The following TENM3 variants were observed in gnomAD, a reference collection of about 807,000 sequenced individuals.
The protein encoded by TENM3 is teneurin transmembrane protein 3, also known as teneurin-3.
Under a neutral mutation model 255.1 loss-of-function variants are expected in TENM3, and 63 were observed. The observed-to-expected ratio is 0.25, with a 90% CI of 0.20 to 0.30. TENM3 has a LOEUF of 0.30. TENM3 is among the 10% of genes least tolerant of loss of function. The pLI is 1.00. For missense variants in TENM3, 2,929 were observed against 3,461.1 expected, an observed-to-expected ratio of 0.85 and a Z score of 3.86; for synonymous variants, 1,306 against 1,322.3, an observed-to-expected ratio of 0.99 and a Z score of 0.27.
chr4:181,702,191 G>T, the TENM3 span, among the ~76,000 whole-genome samples: 1 of 152,204 alleles, frequency 6.6e-6, no homozygotes, highest in African/African-American at 2.4e-5. Flanking sequence ...CTGAGGCTAT[G>T]GACAACGTTC....
At chr4:181,617,927 A>C in the TENM3 span, among the ~76,000 whole-genome samples, 2 of 152,326 alleles carry the variant, frequency 1.3e-5, no homozygotes, top group African/African-American at 4.8e-5. Flanking sequence ...ATGTTTCTGC[A>C]AATAATGCCA....
chr4:181,706,142 C>A, the TENM3 span, among the ~76,000 whole-genome samples: 8 of 152,152 alleles, frequency 5.3e-5, no homozygotes, highest in African/African-American at 1.7e-4. Context: ...CTCCCCTTGG[C>A]TTAGAGATGC....
the TENM3 span, among the ~76,000 whole-genome samples, chr4:181,488,706 T>A: frequency 8.9e-3 from 1,361 of 152,286 alleles, 17 homozygotes; most frequent in South Asian, 0.033. Context: ...GACCATCAGT[T>A]TGGTTTTTTA....
At chr4:182,051,375 TC>T in the TENM3 span, among the ~76,000 whole-genome samples, 5 of 58,714 alleles carry the variant, frequency 8.5e-5, no homozygotes, top group Admixed American at 2.3e-4. Context: ...TTATTTTTCC[TC>T]TCTTTTTTTT....
chr4:182,220,506 A>G (rs921998835), intron 1 of TENM3, among the ~76,000 whole-genome samples: 4 of 151,708 alleles, frequency 2.6e-5, no homozygotes, highest in East Asian at 1.9e-4. Context: ...TTCGTCCTAC[A>G]GTCTCTTCTG....
the TENM3 span, among the ~76,000 whole-genome samples, chr4:181,517,979 G>A: frequency 5.1e-3 from 771 of 152,266 alleles, 5 homozygotes; most frequent in African/African-American, 0.018. Context: ...ATCAGACGGA[G>A]GGATTAACAC....
chr4:181,963,258 A>G, the TENM3 span, among the ~76,000 whole-genome samples: 1 of 152,234 alleles, frequency 6.6e-6, no homozygotes, highest in Non-Finnish European at 1.5e-5. Context: ...TGTCAGTAAG[A>G]CAAGTAATTT....
chr4:182,748,641 T>C (rs1031652806), intron 19 of TENM3, among the ~76,000 whole-genome samples: 1 of 152,208 alleles, frequency 6.6e-6, no homozygotes, highest in Admixed American at 6.5e-5. Flanking sequence ...TTCCTTTTAG[T>C]ACTTCCATGC....
the TENM3 span, among the ~76,000 whole-genome samples, chr4:181,661,499 A>C: frequency 2.0e-5 from 3 of 152,184 alleles, no homozygotes; most frequent in African/African-American, 7.2e-5. Flanking sequence ...AATGTTTGGC[A>C]TGATTCAGTC....
At chr4:182,360,311 G>T (rs926371732) in intron 3 of TENM3, among the ~76,000 whole-genome samples, 1 of 130,934 alleles carries the variant, frequency 7.6e-6, no homozygotes, top group Non-Finnish European at 1.6e-5. Flanking sequence ...GTCTAATGTT[G>T]ACAGTGGGGT....
the TENM3 span, among the ~76,000 whole-genome samples, chr4:182,029,788 A>ATTGAATATG: frequency 1.3e-5 from 2 of 152,186 alleles, no homozygotes; most frequent in Non-Finnish European, 2.9e-5. Context: ...ATAAATTGAA[A>ATTGAATATG]TTGAATATGT....
the TENM3 span, among the ~76,000 whole-genome samples, chr4:181,601,367 A>AT: frequency 6.6e-6 from 1 of 152,024 alleles, no homozygotes; most frequent in African/African-American, 2.4e-5. Context: ...ATTGAAATTT[A>AT]TTTTTTTCAC....
chr4:181,603,730 G>A, the TENM3 span, among the ~76,000 whole-genome samples: 4 of 152,140 alleles, frequency 2.6e-5, no homozygotes, highest in Non-Finnish European at 4.4e-5. Context: ...CATAATCCCT[G>A]CCTTCAAAAA....
At chr4:182,123,181 G>T in the TENM3 span, among the ~76,000 whole-genome samples, 3 of 152,068 alleles carry the variant, frequency 2.0e-5, no homozygotes, top group Admixed American at 1.3e-4. Flanking sequence ...TTTGTTTTTT[G>T]TTTGTTTTTT....
chr4:181,872,147 A>T, the TENM3 span, among the ~76,000 whole-genome samples: 1 of 151,580 alleles, frequency 6.6e-6, no homozygotes, highest in Non-Finnish European at 1.5e-5. Context: ...TATATGTTTC[A>T]TAAAATTTTT....
At chr4:181,655,407 A>G in the TENM3 span, among the ~76,000 whole-genome samples, 3 of 152,330 alleles carry the variant, frequency 2.0e-5, no homozygotes, top group Non-Finnish European at 2.9e-5. Flanking sequence ...CTGCATTTGA[A>G]TTGACTCTGA....
At chr4:182,016,334 T>C in the TENM3 span, among the ~76,000 whole-genome samples, 2 of 152,264 alleles carry the variant, frequency 1.3e-5, no homozygotes, top group African/African-American at 4.8e-5. Context: ...ATATGCTTAA[T>C]TCTAAACTCT....
chr4:182,306,455 A>T (rs1284974416), intron 1 of TENM3, among the ~76,000 whole-genome samples: 2 of 152,240 alleles, frequency 1.3e-5, no homozygotes, highest in African/African-American at 2.4e-5. Context: ...GTATGTTATT[A>T]TCATAAGTAG....
chr4:182,655,274 A>G (rs1056039994), intron 6 of TENM3, among the ~76,000 whole-genome samples: 1 of 152,200 alleles, frequency 6.6e-6, no homozygotes, highest in Non-Finnish European at 1.5e-5. Flanking sequence ...CTTATTAACC[A>G]TACATGTAGG....
Sources: gnomAD v4.1 joint callset for allele counts (sites outside exome capture counted in the v4.1 genomes callset) on GRCh38, gnomAD v4.1.1 for gene constraint, MANE v1.5 for transcripts, NCBI Gene and HGNC (gene_info 2026-07-23, HGNC 2026-07-21) for gene names.